RPS3A: variants seen among roughly 807,000 people sequenced by gnomAD.
The protein encoded by RPS3A is small ribosomal subunit protein eS1.
RPS3A carries 1 observed loss-of-function variant against 26.4 expected under a neutral mutation model. That is an observed-to-expected ratio of 0.04 (90% confidence interval 0.01 to 0.18). The LOEUF (loss-of-function observed/expected upper bound fraction) is 0.18, where lower values mean the gene tolerates loss of function less well. Ranked by LOEUF, RPS3A falls within the 10% of genes least tolerant of loss-of-function variation. The pLI is 1.00. For missense variants in RPS3A, 139 were observed against 326.8 expected, an observed-to-expected ratio of 0.43 and a Z score of 4.43; for synonymous variants, 97 against 106.1, an observed-to-expected ratio of 0.91 and a Z score of 0.53.
chr4:151,101,293 T>C (rs1747104223), intron 3 of RPS3A, 131 bp downstream of exon 3: 1 of 554,690 alleles, frequency 1.8e-6, no homozygotes, highest in Middle Eastern at 3.1e-4. Context: ...CAAAGTTCAT[T>C]TTAAATTTTT....
chr4:151,101,171 C>G lies in RPS3A; in HGVS notation c.354+9C>G. 6.3e-7 allele frequency: 1 copy of G among 1,590,078 alleles called. No individual in the cohort carries two copies. On this transcript the variant is annotated intron_variant, in intron 3 of 5. Transcript: ENST00000274065. ...TGGTCAAAAAATGGCAGGTGAGACC[C>G]AAAGTTCCTTAGAGTGGTTGTGCTA...
rs1053381863 is a variant in RPS3A at position 151,099,658 on chromosome 4, G to T, written c.6G>T (p.Ala2=). Residue 2 remains alanine (A), a synonymous_variant, in exon 1 of 6, where the codon GCG becomes GCT. Transcript: ENST00000274065. ...TTGGCTCTCTGACCAGCACCATGGCGGTTGGCAAGAACAAGCGCCTTACGA... is the reference window on the plus strand; with the variant it reads ...TTGGCTCTCTGACCAGCACCATGGCTGTTGGCAAGAACAAGCGCCTTACGA... M[A]VGKNKRLTKG... 1 of 1,613,968 alleles carries T rather than the reference G, an allele frequency of 6.2e-7. No individual in the cohort carries two copies. Among genetic ancestry groups the T allele is most frequent in the Non-Finnish European group, 8.5e-7 (1 of 1,179,966 alleles).
intron 1 of RPS3A, chr4:151,100,055 C>G (rs754446125): frequency 3.6e-6 from 2 of 562,690 alleles, no homozygotes; most frequent in Non-Finnish European, 6.7e-6. Context: ...ACCCTTCTAT[C>G]CATTCAGGAC....
In RPS3A at chr4:151,099,636, G is replaced by A. The variant is rs923823582; in HGVS notation, c.-17G>A. The A allele has an allele frequency of 9.9e-6, 16 of 1,612,796 alleles. No homozygotes were observed. The East Asian group carries it at 2.2e-4, about 22-fold the overall frequency. On this transcript the variant is annotated 5_prime_UTR_variant, in exon 1 of 6. Coordinates refer to ENST00000274065, the MANE Select transcript of RPS3A (RefSeq NM_001006.5). Reference sequence around the variant, plus strand: ...CGCGACTCCCACTTCCGCCCTTTTGGCTCTCTGACCAGCACCATGGCGGTT... The same window carrying A: ...CGCGACTCCCACTTCCGCCCTTTTGACTCTCTGACCAGCACCATGGCGGTT...
In RPS3A at chr4:151,102,860, T is replaced by C. The variant is rs1747192423; in HGVS notation, c.355-11T>C. On this transcript the variant is annotated splice_polypyrimidine_tract_variant and intron_variant, in intron 3 of 5. Transcript: ENST00000274065. ...AAACCTGTTAAATCTGACGGTATCT[T>C]TTTTCTCCAGACAATGATTGAAGCT... 6.2e-7 allele frequency: 1 copy of C among 1,608,156 alleles called. No homozygotes were observed. The highest frequency in any genetic ancestry group is 1.1e-5 in the South Asian group (1 of 90,432).
At chr4:151,103,650 C>T (rs1360858562) in intron 4 of RPS3A, 3 of 1,068,656 alleles carry the variant, frequency 2.8e-6, no homozygotes, top group Non-Finnish European at 3.4e-6. Flanking sequence ...GCCTGGAGTC[C>T]CAGCTACTCA....
At chr4:151,102,795 C>G in intron 3 of RPS3A, 76 bp from the exon 4 acceptor site, 1 of 1,475,292 alleles carries the variant, frequency 6.8e-7, no homozygotes, top group Non-Finnish European at 9.1e-7. Context: ...GACAATCCAG[C>G]TTTTTAAAAT....
At position 151,101,176 on chromosome 4, in the gene RPS3A, TTC is replaced by T. The variant is rs1444625216; in HGVS notation, c.354+15_354+16del. 2 of 1,576,102 alleles carry T rather than the reference TTC, an allele frequency of 1.3e-6. No homozygotes were observed. Among genetic ancestry groups the T allele is most frequent in the African/African-American group, 1.3e-5 (1 of 74,398 alleles). On this transcript the variant is annotated intron_variant, in intron 3 of 5. Transcript: ENST00000274065. ...AAAAAATGGCAGGTGAGACCCAAAG[TTC>T]CTTAGAGTGGTTGTGCTATGGGTGT...
Position 151,099,637 on chromosome 4 carries a change from C to G in RPS3A, c.-16C>G, listed in dbSNP as rs371700244. 4.3e-6 allele frequency: 7 copies of G among 1,612,910 alleles called. No individual in the cohort carries two copies. In the African/African-American group the frequency reaches 8.0e-5, roughly 18 times the overall value. The stretch of plus-strand genomic sequence containing the variant: ...GCGACTCCCACTTCCGCCCTTTTGG[C>G]TCTCTGACCAGCACCATGGCGGTTG... On this transcript the variant is annotated 5_prime_UTR_variant, in exon 1 of 6. Coordinates refer to ENST00000274065, the MANE Select transcript of RPS3A (RefSeq NM_001006.5).
At chr4:151,102,704 G>T (rs1439948412) in intron 3 of RPS3A, 167 bp from the exon 4 acceptor site, 7 of 815,480 alleles carry the variant, frequency 8.6e-6, no homozygotes, top group Admixed American at 3.1e-5. Context: ...GGGTAACTTG[G>T]TAAGTTCAAG....
At chr4:151,101,842 C>T (rs1273410332) in intron 3 of RPS3A, among the ~76,000 whole-genome samples, 3 of 152,138 alleles carry the variant, frequency 2.0e-5, no homozygotes, top group African/African-American at 7.2e-5. Context: ...AAGGGATTCT[C>T]ATGCCTCAGC....
chr4:151,104,439 G>GTTTTTTTTTGTT, intron 5 of RPS3A, 33 bp from the exon 6 acceptor site: 10 of 710,318 alleles, frequency 1.4e-5, no homozygotes, highest in South Asian at 7.0e-5. Flanking sequence ...CAGTTTTTTG[G>GTTTTTTTTTGTT]TTTTTTTTTT....
At chr4:151,103,403 G>A in intron 4 of RPS3A, 1 of 613,190 alleles carries the variant, frequency 1.6e-6, no homozygotes, top group Non-Finnish European at 2.2e-6. Flanking sequence ...ACAGGGGACT[G>A]CCACCATACC....
chr4:151,103,673 G>A, intron 4 of RPS3A: 1 of 1,087,890 alleles, frequency 9.2e-7, no homozygotes, highest in Non-Finnish European at 1.1e-6. Flanking sequence ...AGGCTGAGGT[G>A]GTAGGATTGT....
intron 3 of RPS3A, among the ~76,000 whole-genome samples, chr4:151,102,359 A>G (rs1217116096): frequency 1.3e-5 from 2 of 152,120 alleles, no homozygotes; most frequent in African/African-American, 4.8e-5. Flanking sequence ...TGGGTATTTA[A>G]TCATCAGCAT....
intron 3 of RPS3A, among the ~76,000 whole-genome samples, chr4:151,101,516 A>T (rs1379969189): frequency 1.3e-5 from 2 of 152,094 alleles, no homozygotes; most frequent in African/African-American, 4.8e-5. Context: ...ATGTTGATTA[A>T]CTGTGGCAGT....
At position 151,104,228 on chromosome 4, in the gene RPS3A, T is replaced by C. The variant is rs1320534664; in HGVS notation, c.615T>C (p.Tyr205=). The part of the protein sequence containing the change: ...KDIEKACQSI[Y]PLHDVFVRKV... ...TAGAAAAGGCTTGCCAATCTATTTA[T>C]CCTCTCCATGATGTCTTCGTTAGAA... The change falls in exon 5 of 6, where the codon TAT becomes TAC. Residue 205 remains tyrosine (Y), a synonymous_variant. Transcript: ENST00000274065. 6.2e-7 allele frequency: 1 copy of C among 1,613,332 alleles called. No individual in the cohort carries two copies. Among genetic ancestry groups the C allele is most frequent in the Admixed American group, 1.7e-5 (1 of 59,882 alleles).
At chr4:151,103,832 G>A (rs767021302) in intron 4 of RPS3A, 1 of 1,376,260 alleles carries the variant, frequency 7.3e-7, no homozygotes, top group Non-Finnish European at 9.6e-7. Context: ...ACGGGAATAA[G>A]TGATGAAAAA....
At position 151,100,486 on chromosome 4, in the gene RPS3A, G is replaced by A. The variant is rs772781421; in HGVS notation, c.64G>A (p.Val22Ile). ...CTTAAGCATCTTCTTAAAATCCAGG[G>A]TTGATCCATTTTCTAAGAAAGATTG... is the stretch of plus-strand genomic sequence containing the variant. The part of the protein sequence containing the change: ...GGKKGAKKKV[V>I]DPFSKKDWYD... The change falls in exon 2 of 6, where the codon GTT becomes ATT. Residue 22 changes from valine (V) to isoleucine (I), a missense_variant and splice_region_variant. Val to Ile is a conservative substitution (Grantham distance 29). Coordinates refer to ENST00000274065, the MANE Select transcript of RPS3A (RefSeq NM_001006.5). The A allele has an allele frequency of 1.9e-6, 3 of 1,551,232 alleles. No homozygotes were observed. The highest frequency in any genetic ancestry group is 2.7e-6 in the Non-Finnish European group (3 of 1,123,380).
Sources: gnomAD v4.1 joint callset for allele counts (sites outside exome capture counted in the v4.1 genomes callset) on GRCh38, gnomAD v4.1.1 for gene constraint, MANE v1.5 for transcripts, NCBI Gene and HGNC (gene_info 2026-07-23, HGNC 2026-07-21) for gene names.